CMKLR2: variants seen among roughly 807,000 people sequenced by gnomAD.
CMKLR2 encodes chemerin chemokine-like receptor 2.
CMKLR2 carries 18 observed loss-of-function variants against 23.0 expected under a neutral mutation model. That is an observed-to-expected ratio of 0.78 (90% CI 0.54 to 1.16). The LOEUF (loss-of-function observed/expected upper bound fraction) is 1.16, where lower values mean the gene tolerates loss of function less well. CMKLR2 is among the 50% of genes most tolerant of loss of function. The pLI, the probability that CMKLR2 is intolerant of heterozygous loss-of-function variation, is 0.00. For synonymous variants in CMKLR2, 158 were observed against 158.9 expected (o/e 0.99, Z 0.05); for missense variants, 401 against 412.7 (o/e 0.97, Z 0.25).
chr2:206,207,065 A>G (rs1052203398), intron 1 of CMKLR2, among the ~76,000 whole-genome samples: 1 of 152,096 alleles, frequency 6.6e-6, no homozygotes, highest in African/African-American at 2.4e-5. Flanking sequence ...TTTCTAGGAA[A>G]AGATGATGAG....
At chr2:206,202,212 A>C (rs1295947003) in intron 1 of CMKLR2, among the ~76,000 whole-genome samples, 5 of 152,148 alleles carry the variant, frequency 3.3e-5, no homozygotes, top group Non-Finnish European at 5.9e-5. Flanking sequence ...CCTTAAAGTG[A>C]GGGGTTTTAA....
intron 1 of CMKLR2, among the ~76,000 whole-genome samples, chr2:206,193,415 T>G (rs1688815995): frequency 1.3e-5 from 2 of 152,218 alleles, no homozygotes; most frequent in Non-Finnish European, 1.5e-5. Flanking sequence ...AAAAGAGATT[T>G]CTGTGTATAC....
chr2:206,211,717 A>C (rs1689569870), intron 1 of CMKLR2, among the ~76,000 whole-genome samples: 1 of 151,264 alleles, frequency 6.6e-6, no homozygotes, highest in Non-Finnish European at 1.5e-5. Context: ...TTCTCCTATT[A>C]AGATGGCATA....
intron 1 of CMKLR2, among the ~76,000 whole-genome samples, chr2:206,212,501 T>C (rs1689606398): frequency 6.6e-6 from 1 of 152,214 alleles, no homozygotes. Context: ...AAGAGCATTA[T>C]TGCCAGTGAA....
chr2:206,200,328 C>T (rs919907759), intron 1 of CMKLR2, among the ~76,000 whole-genome samples: 3 of 152,170 alleles, frequency 2.0e-5, no homozygotes, highest in Non-Finnish European at 4.4e-5. Flanking sequence ...GAGGCTGAGA[C>T]AGGAGAATCA....
chr2:206,196,885 G>A (rs1168976854), intron 1 of CMKLR2, among the ~76,000 whole-genome samples: 1 of 152,044 alleles, frequency 6.6e-6, no homozygotes, highest in Non-Finnish European at 1.5e-5. Context: ...TAAATGAAGA[G>A]AGGACACTCA....
upstream of CMKLR2, among the ~76,000 whole-genome samples, chr2:206,215,423 A>G (rs1317137326): frequency 6.6e-6 from 1 of 152,246 alleles, no homozygotes; most frequent in Non-Finnish European, 1.5e-5. Context: ...TTTTGGCTAT[A>G]GAGCAGGAAC....
intron 1 of CMKLR2, among the ~76,000 whole-genome samples, chr2:206,191,046 T>C (rs774886430): frequency 1.3e-4 from 20 of 152,240 alleles, no homozygotes; most frequent in Non-Finnish European, 1.5e-4. Context: ...TTTGCAAGAC[T>C]TTAAGATAAT....
chr2:206,179,269 T>C (rs1288061008), intron 1 of CMKLR2, among the ~76,000 whole-genome samples: 1 of 150,932 alleles, frequency 6.6e-6, no homozygotes, highest in Non-Finnish European at 1.5e-5. Context: ...GAGACAGGGT[T>C]TCTCCATGTT....
At chr2:206,186,803 T>A (rs79662468) in intron 1 of CMKLR2, among the ~76,000 whole-genome samples, 1 of 151,674 alleles carries the variant, frequency 6.6e-6, no homozygotes, top group Non-Finnish European at 1.5e-5. Context: ...TTTTTTTTTT[T>A]TTTTAAGACA....
At chr2:206,200,455 C>T (rs1043243631) in intron 1 of CMKLR2, among the ~76,000 whole-genome samples, 2 of 152,152 alleles carry the variant, frequency 1.3e-5, no homozygotes, top group South Asian at 2.1e-4. Context: ...GTGGGTCATA[C>T]AAAGGATGGA....
chr2:206,182,692 G>C (rs1377325811), intron 1 of CMKLR2, among the ~76,000 whole-genome samples: 1 of 151,900 alleles, frequency 6.6e-6, no homozygotes, highest in Non-Finnish European at 1.5e-5. Context: ...CGTGATCTCG[G>C]CTCATGCAAC....
rs1052273316 is a variant in CMKLR2 at position 206,202,581 on chromosome 2, C to A, written c.-29+10726G>T. Among the ~76,000 whole-genome samples, 3 of 152,268 alleles carry A rather than the reference C, an allele frequency of 2.0e-5. No homozygotes were observed. In the South Asian group the frequency reaches 6.2e-4, roughly 32 times the overall value. On this transcript the variant is annotated intron_variant, in intron 1 of 1. Transcript: ENST00000621141. ...GCTCAAGCAATTCTCCTGCTTCAGCCTCTTGAGTAGCTGGGGCTGCAGGCG... is the reference window on the plus strand; with the variant it reads ...GCTCAAGCAATTCTCCTGCTTCAGCATCTTGAGTAGCTGGGGCTGCAGGCG...
chr2:206,201,492 C>T (rs1214591816), intron 1 of CMKLR2, among the ~76,000 whole-genome samples: 1 of 152,106 alleles, frequency 6.6e-6, no homozygotes, highest in East Asian at 1.9e-4. Flanking sequence ...TCCCACACAA[C>T]CACTTTTCAT....
upstream of CMKLR2, among the ~76,000 whole-genome samples, chr2:206,216,120 A>G (rs1689745910): frequency 6.6e-6 from 1 of 152,158 alleles, no homozygotes; most frequent in South Asian, 2.1e-4. Context: ...TATGGCTAGT[A>G]TTTCAAGGGG....
At chr2:206,199,184 A>T (rs1273859576) in intron 1 of CMKLR2, among the ~76,000 whole-genome samples, 4 of 152,208 alleles carry the variant, frequency 2.6e-5, no homozygotes, top group Middle Eastern at 3.4e-3. Flanking sequence ...ATTACTTGAG[A>T]CCAGGAGTTC....
chr2:206,191,723 A>G (rs1296764851), intron 1 of CMKLR2, among the ~76,000 whole-genome samples: 1 of 141,814 alleles, frequency 7.1e-6, no homozygotes, highest in Non-Finnish European at 1.5e-5. Context: ...GCTGTAGTGT[A>G]GTGGTGTGAT....
At chr2:206,184,370 C>T (rs1688510231) in intron 1 of CMKLR2, among the ~76,000 whole-genome samples, 2 of 150,998 alleles carry the variant, frequency 1.3e-5, no homozygotes, top group Admixed American at 1.3e-4. Flanking sequence ...GATCTCGGTT[C>T]ACTGCAACCT....
chr2:206,210,302 T>C (rs1051493403), intron 1 of CMKLR2, among the ~76,000 whole-genome samples: 13 of 152,284 alleles, frequency 8.5e-5, no homozygotes, highest in Admixed American at 7.2e-4. Flanking sequence ...TCCAGCTCCA[T>C]CCATGTCCCT....
Sources: gnomAD v4.1 joint callset for allele counts (sites outside exome capture counted in the v4.1 genomes callset) on GRCh38, gnomAD v4.1.1 for gene constraint, MANE v1.5 for transcripts, NCBI Gene and HGNC (gene_info 2026-07-23, HGNC 2026-07-21) for gene names.